BBOX1: variants seen among roughly 807,000 people sequenced by gnomAD.
BBOX1 encodes gamma-butyrobetaine hydroxylase 1, also known as gamma-butyrobetaine dioxygenase.
BBOX1 carries 35 observed loss-of-function variants against 41.6 expected under a neutral mutation model. The ratio of observed to expected loss-of-function variants is 0.84; its 90% CI spans 0.64 to 1.11. The LOEUF is 1.11. Among genes scored for constraint, BBOX1 ranks in the 50% most tolerant of loss-of-function variants. The pLI, the probability that BBOX1 is intolerant of heterozygous loss-of-function variation, is 0.00. For missense variants in BBOX1, 458 were observed against 460.6 expected (o/e 0.99, Z 0.05); for synonymous variants, 163 against 154.7 (o/e 1.05, Z -0.40).
At chr11:27,047,427 T>G (rs1851519698) in intron 2 of BBOX1, 1 of 152,176 alleles carries the variant, frequency 6.6e-6, no homozygotes, top group Admixed American at 6.5e-5. Context: ...CAATAGTTGG[T>G]GTGACATGGG....
At chr11:27,053,372 C>T (rs575743055) in intron 2 of BBOX1, among the ~76,000 whole-genome samples, 5 of 152,284 alleles carry the variant, frequency 3.3e-5, no homozygotes, top group South Asian at 4.1e-4. Context: ...GGCAAAATGT[C>T]GCCTACATTG....
At chr11:27,056,165 T>C (rs1856972883) in intron 3 of BBOX1, among the ~76,000 whole-genome samples, 1 of 152,220 alleles carries the variant, frequency 6.6e-6, no homozygotes, top group African/African-American at 2.4e-5. Context: ...AAAGATTAAA[T>C]GTGTTATGTC....
At chr11:27,045,175 A>G (rs935351300) in intron 2 of BBOX1, among the ~76,000 whole-genome samples, 1 of 151,998 alleles carries the variant, frequency 6.6e-6, no homozygotes, top group Admixed American at 6.6e-5. Flanking sequence ...TAGATATTTT[A>G]TTCTCTTTGA....
intron 4 of BBOX1, among the ~76,000 whole-genome samples, chr11:27,072,316 T>C (rs1857479714): frequency 6.6e-6 from 1 of 152,130 alleles, no homozygotes; most frequent in Non-Finnish European, 1.5e-5. Flanking sequence ...GAACTCCCAT[T>C]CACAATTGCT....
chr11:27,090,667 C>A (rs1858211248), intron 4 of BBOX1, among the ~76,000 whole-genome samples: 1 of 151,804 alleles, frequency 6.6e-6, no homozygotes, highest in African/African-American at 2.4e-5. Flanking sequence ...GAGCAGAGAG[C>A]CAGTCTGACC....
chr11:27,102,945 C>T (rs1858716261), intron 5 of BBOX1, among the ~76,000 whole-genome samples: 1 of 152,102 alleles, frequency 6.6e-6, no homozygotes. Context: ...AATCCCAGCA[C>T]TTTGGGAGGC....
chr11:27,087,694 G>T (rs1858093042), intron 4 of BBOX1, among the ~76,000 whole-genome samples: 1 of 151,936 alleles, frequency 6.6e-6, no homozygotes, highest in African/African-American at 2.4e-5. Flanking sequence ...TTTGAAAACT[G>T]GTTAGTCACA....
At position 27,055,444 on chromosome 11, in the gene BBOX1, T is replaced by C; in HGVS notation, c.14T>C (p.Ile5Thr). Residue 5 changes from isoleucine (I) to threonine (T), a missense_variant, in exon 3 of 9, where the codon ATC becomes ACC. Coordinates refer to ENST00000263182, the MANE Select transcript of BBOX1 (RefSeq NM_003986.3). ...AAGACCGGAAACATGGCTTGTACCA[T>C]CCAAAAGGCAGAAGCACTTGACGGG... is the stretch of plus-strand genomic sequence containing the variant. MACT[I>T]QKAEALDGAH... 1 of 1,613,596 alleles carries C rather than the reference T, an allele frequency of 6.2e-7. No individual in the cohort carries two copies. The highest frequency in any genetic ancestry group is 8.5e-7 in the Non-Finnish European group (1 of 1,180,022).
In BBOX1 at chr11:27,119,655, C is replaced by A. The variant is rs1859393911; in HGVS notation, c.646C>A (p.Leu216Ile). ...GCATATTTTCTTTTTATAGGTTCAG[C>A]TTCTTCACTGCATAAAGCAAACAGT... ...PALHHPPGVQ[L>I]LHCIKQTVTG... The change falls in exon 7 of 9, where the codon CTT becomes ATT. Residue 216 changes from leucine to isoleucine, a missense_variant. By Grantham distance (5) the Leu-to-Ile change is conservative (BLOSUM62 2). Coordinates refer to ENST00000263182, the MANE Select transcript of BBOX1 (RefSeq NM_003986.3). 6.9e-7 allele frequency: 1 copy of A among 1,440,474 alleles called. No homozygotes were observed. The highest frequency in any genetic ancestry group is 9.1e-7 in the Non-Finnish European group (1 of 1,096,264). 89.2% of individuals were successfully genotyped at this position (1,440,474 alleles called of 1,614,324 possible).
chr11:27,086,630 C>T (rs61342473), intron 4 of BBOX1, among the ~76,000 whole-genome samples: 10,781 of 152,158 alleles, frequency 0.071, 1,278 homozygotes, highest in African/African-American at 0.24. Flanking sequence ...TGCCTGCTAA[C>T]GCAACATTCA....
At chr11:27,121,275 A>G (rs1448046425) in intron 7 of BBOX1, among the ~76,000 whole-genome samples, 1 of 152,160 alleles carries the variant, frequency 6.6e-6, no homozygotes, top group Non-Finnish European at 1.5e-5. Flanking sequence ...TGAAGGATGC[A>G]AGTATTAGGG....
intron 5 of BBOX1, among the ~76,000 whole-genome samples, chr11:27,096,068 T>C (rs901617681): frequency 6.6e-6 from 1 of 152,006 alleles, no homozygotes; most frequent in African/African-American, 2.4e-5. Flanking sequence ...GTGATTCTCA[T>C]GTGCAGCCAA....
chr11:27,060,131 G>A (rs891879036), intron 4 of BBOX1, among the ~76,000 whole-genome samples: 1 of 152,164 alleles, frequency 6.6e-6, no homozygotes, highest in Non-Finnish European at 1.5e-5. Flanking sequence ...AATGTTGGAG[G>A]TGGGGCCTCG....
chr11:27,058,285 C>T (rs890773629), intron 4 of BBOX1, among the ~76,000 whole-genome samples: 2 of 152,148 alleles, frequency 1.3e-5, no homozygotes, highest in African/African-American at 4.8e-5. Flanking sequence ...ATGTCAGTGC[C>T]ATGCTTCCTG....
At chr11:27,111,950 C>T (rs1237816704) in intron 5 of BBOX1, among the ~76,000 whole-genome samples, 2 of 151,402 alleles carry the variant, frequency 1.3e-5, no homozygotes, top group Non-Finnish European at 3.0e-5. Context: ...TGAACATGAA[C>T]ATGTACAAAC....
At chr11:27,117,818 T>G (rs1859322543) in intron 6 of BBOX1, among the ~76,000 whole-genome samples, 6 of 151,972 alleles carry the variant, frequency 3.9e-5, no homozygotes, top group Admixed American at 3.9e-4. Flanking sequence ...TTTATCTGAC[T>G]CTTCTTGACA....
At position 27,057,552 on chromosome 11, in the gene BBOX1, G is replaced by T. The variant is rs1857023538; in HGVS notation, c.334+237G>T. On this transcript the variant is annotated intron_variant, in intron 4 of 8. Coordinates refer to ENST00000263182, the MANE Select transcript of BBOX1 (RefSeq NM_003986.3). ...GAAACAAAATAAGTCCAGCAAACTTGTGTCTTTGTCATCTAAAGCAAAACC... is the reference window on the plus strand; with the variant it reads ...GAAACAAAATAAGTCCAGCAAACTTTTGTCTTTGTCATCTAAAGCAAAACC... 14 of 423,450 alleles carry T rather than the reference G, an allele frequency of 3.3e-5. No individual in the cohort carries two copies. The South Asian group carries it at 3.4e-4, about 10-fold the overall frequency. 26.2% of individuals were successfully genotyped at this position (423,450 alleles called of 1,614,324 possible). A position where few individuals can be genotyped will look rare whatever the true frequency, so the allele number is the denominator to read the frequency against.
At position 27,065,177 on chromosome 11, in the gene BBOX1, T is replaced by C. The variant is rs184749321; in HGVS notation, c.334+7862T>C. Among the ~76,000 whole-genome samples, 82 of 152,252 alleles carry C rather than the reference T, an allele frequency of 5.4e-4. No individual in the cohort carries two copies. The East Asian group carries it at 0.011, about 20-fold the overall frequency. On this transcript the variant is annotated intron_variant, in intron 4 of 8. Transcript: ENST00000263182. ...GGAAAGGCAAGATGGAGGAGGTGGG[T>C]TAGATCAGATCTCTTTCATTGCCAT... is the stretch of plus-strand genomic sequence containing the variant.
At chr11:27,093,400 C>T (rs907459227) in intron 5 of BBOX1, 34 bp downstream of exon 5, 22 of 1,602,224 alleles carry the variant, frequency 1.4e-5, no homozygotes, top group Admixed American at 3.4e-5. Flanking sequence ...TCTGCCATCA[C>T]AGATAAGGTT....
Sources: allele counts gnomAD v4.1 joint callset (sites outside exome capture counted in the v4.1 genomes callset), GRCh38; gene constraint gnomAD v4.1.1; transcripts MANE v1.5; gene names NCBI Gene and HGNC (gene_info 2026-07-23, HGNC 2026-07-21).